PDZRN3: variants seen among roughly 807,000 people sequenced by gnomAD.
PDZRN3 encodes E3 ubiquitin-protein ligase PDZRN3.
PDZRN3 carries 38 observed loss-of-function variants against 85.7 expected under a neutral mutation model. The observed-to-expected ratio is 0.44, with a 90% confidence interval of 0.34 to 0.58. PDZRN3 has a LOEUF of 0.58. PDZRN3 is among the 20% of genes least tolerant of loss of function. The pLI, the probability that PDZRN3 is intolerant of heterozygous loss-of-function variation, is 0.01. For synonymous variants in PDZRN3, 759 were observed against 638.0 expected (o/e 1.19, Z -2.86); for missense variants, 1,629 against 1,506.4 (o/e 1.08, Z -1.35).
intron 3 of PDZRN3, among the ~76,000 whole-genome samples, chr3:73,547,093 C>T (rs1024194221): frequency 1.3e-5 from 2 of 152,148 alleles, no homozygotes; most frequent in Admixed American, 6.5e-5. Context: ...ACCCCACTCA[C>T]GACAACAGCC....
chr3:73,474,464 T>C (rs1466916533), intron 3 of PDZRN3: 1 of 1,284,664 alleles, frequency 7.8e-7, no homozygotes, highest in Non-Finnish European at 1.0e-6. Context: ...CCAAATACCA[T>C]CTTCCACCAT....
chr3:73,489,118 C>A (rs1250654039), intron 3 of PDZRN3, among the ~76,000 whole-genome samples: 2 of 152,186 alleles, frequency 1.3e-5, no homozygotes, highest in Non-Finnish European at 2.9e-5. Context: ...AGGCACAGTG[C>A]ACTGAGCAGG....
intron 3 of PDZRN3, among the ~76,000 whole-genome samples, chr3:73,461,042 C>G (rs1703093121): frequency 6.6e-6 from 1 of 152,154 alleles, no homozygotes; most frequent in Admixed American, 6.5e-5. Flanking sequence ...GATCAAGCCA[C>G]CTTGGCCTCC....
chr3:73,485,705 C>T (rs1703649459), intron 3 of PDZRN3, among the ~76,000 whole-genome samples: 1 of 152,142 alleles, frequency 6.6e-6, no homozygotes, highest in Non-Finnish European at 1.5e-5. Flanking sequence ...AATCATTTTT[C>T]TAATCCAAGC....
Position 73,617,228 on chromosome 3 carries a change from G to A in PDZRN3, c.723+6875C>T, listed in dbSNP as rs533338029. Among the ~76,000 whole-genome samples, 98 of 152,282 alleles carry A rather than the reference G, an allele frequency of 6.4e-4. 1 individual carries two copies. The highest frequency in any genetic ancestry group is 7.5e-4 in the African/African-American group (31 of 41,560). On this transcript the variant is annotated intron_variant, in intron 1 of 9. Transcript: ENST00000263666. ...AAGGCCTGCAACATACAAAGATTAC[G>A]CGGTGCCTCTGCTCTTTAAATTCCC...
chr3:73,624,015 G>C lies in PDZRN3; in HGVS notation c.723+88C>G, dbSNP rs368425648. 555 of 1,236,298 alleles carry C rather than the reference G, an allele frequency of 4.5e-4. 4 individuals carry two copies. The South Asian group carries it at 9.4e-3, about 21-fold the overall frequency. The allele number at this position is 1,236,298 out of a possible 1,614,324, so 76.6% of individuals were successfully genotyped here. A position where few individuals can be genotyped will look rare whatever the true frequency, so the allele number is the denominator to read the frequency against. On this transcript the variant is annotated intron_variant, in intron 1 of 9. Transcript: ENST00000263666. Reference sequence around the variant, plus strand: ...AAGCAAGGATGTTCCCGGGAAGCTCGGGGCATCCCTGTACCCAAAGGGATG... The same window carrying C: ...AAGCAAGGATGTTCCCGGGAAGCTCCGGGCATCCCTGTACCCAAAGGGATG...
rs140072447 is a variant in PDZRN3, at chr3:73,559,192, C to T, written c.918+43162G>A. 6.6e-5 allele frequency among the ~76,000 whole-genome samples: 10 copies of T among 152,214 alleles called. No individual in the cohort carries two copies. The East Asian group carries it at 9.7e-4, about 15-fold the overall frequency. On this transcript the variant is annotated intron_variant, in intron 3 of 9. Transcript: ENST00000263666. Reference sequence around the variant, plus strand: ...GTGGGTTTGGAATTAATATTATGCCCGGTTGACAATGTTGTTCTCAACCTG... The same window carrying T: ...GTGGGTTTGGAATTAATATTATGCCTGGTTGACAATGTTGTTCTCAACCTG...
In PDZRN3 at chr3:73,624,139, C is replaced by G; in HGVS notation, c.687G>C (p.Ser229=). Residue 229 remains serine, a synonymous_variant, in exon 1 of 10, where the codon TCG becomes TCC. Coordinates refer to ENST00000263666, the MANE Select transcript of PDZRN3 (RefSeq NM_015009.3). ...GCGGCGCGGCCACGCAGCGGCTGAG[C>G]GAGTCGAGGCGCGCGCTGTATTCGG... ...KFTEYSARLD[S]LSRCVAAPPG... The G allele has an allele frequency of 1.3e-6, 2 of 1,488,264 alleles. No individual in the cohort carries two copies. The highest frequency in any genetic ancestry group is 1.3e-5 in the South Asian group (1 of 79,196). The allele number at this position is 1,488,264 out of a possible 1,614,324, so 92.2% of individuals were successfully genotyped here.
intron 3 of PDZRN3, among the ~76,000 whole-genome samples, chr3:73,521,667 C>T (rs1471603642): frequency 1.3e-5 from 2 of 152,146 alleles, no homozygotes; most frequent in African/African-American, 4.8e-5. Flanking sequence ...ATTTTGCATA[C>T]TGCGTTGTAA....
intron 3 of PDZRN3, among the ~76,000 whole-genome samples, chr3:73,507,430 A>G (rs1181429645): frequency 6.6e-6 from 1 of 152,152 alleles, no homozygotes; most frequent in Non-Finnish European, 1.5e-5. Context: ...TTGGCCTCCC[A>G]AAGTGCTGGG....
chr3:73,529,602 A>G (rs1421089359), intron 3 of PDZRN3, among the ~76,000 whole-genome samples: 3 of 152,240 alleles, frequency 2.0e-5, no homozygotes, highest in African/African-American at 7.2e-5. Flanking sequence ...CACTTTGTTA[A>G]GCAAAAGGGC....
chr3:73,423,672 A>C (rs1702246845), intron 3 of PDZRN3, among the ~76,000 whole-genome samples: 1 of 152,212 alleles, frequency 6.6e-6, no homozygotes, highest in South Asian at 2.1e-4. Context: ...ACAGATGAAG[A>C]ATGCTTTATA....
intron 6 of PDZRN3, among the ~76,000 whole-genome samples, chr3:73,390,514 T>C (rs1359344220): frequency 6.6e-6 from 1 of 152,186 alleles, no homozygotes; most frequent in East Asian, 1.9e-4. Context: ...AATCAGTTGA[T>C]TTGTATTATC....
chr3:73,564,447 C>T (rs1701902291), intron 3 of PDZRN3, among the ~76,000 whole-genome samples: 3 of 152,152 alleles, frequency 2.0e-5, no homozygotes, highest in African/African-American at 7.2e-5. Context: ...ATTCCATCAG[C>T]CCTCTCCAGC....
chr3:73,484,647 T>C (rs1263415898), intron 3 of PDZRN3, among the ~76,000 whole-genome samples: 3 of 152,204 alleles, frequency 2.0e-5, no homozygotes, highest in African/African-American at 7.2e-5. Context: ...AATGTAGCAG[T>C]ACCTTGAAGA....
At chr3:73,577,379 T>C (rs1304188044) in intron 3 of PDZRN3, among the ~76,000 whole-genome samples, 1 of 152,172 alleles carries the variant, frequency 6.6e-6, no homozygotes, top group Non-Finnish European at 1.5e-5. Context: ...ATGACAAGGA[T>C]TAATAAATAA....
chr3:73,420,887 C>T (rs1361016471), intron 3 of PDZRN3, among the ~76,000 whole-genome samples: 1 of 152,188 alleles, frequency 6.6e-6, no homozygotes, highest in Non-Finnish European at 1.5e-5. Flanking sequence ...TGCATCCTCC[C>T]ATATAGTTTA....
chr3:73,529,313 C>T (rs1447526447), intron 3 of PDZRN3, among the ~76,000 whole-genome samples: 1 of 152,182 alleles, frequency 6.6e-6, no homozygotes, highest in African/African-American at 2.4e-5. Context: ...TGGCCATGTG[C>T]TTGTCCCAAG....
intron 6 of PDZRN3, 21 bp downstream of exon 6, chr3:73,390,997 A>ACT: frequency 1.9e-6 from 3 of 1,559,756 alleles, no homozygotes; most frequent in Non-Finnish European, 2.6e-6. Flanking sequence ...ATAGTTAGAA[A>ACT]AACAAAATCA....
Sources: gnomAD v4.1 joint callset for allele counts (sites outside exome capture counted in the v4.1 genomes callset) on GRCh38, gnomAD v4.1.1 for gene constraint, MANE v1.5 for transcripts, NCBI Gene and HGNC (gene_info 2026-07-23, HGNC 2026-07-21) for gene names.